CELSR1: variants seen among roughly 807,000 people sequenced by gnomAD.
CELSR1 encodes adhesion G protein-coupled receptor C1.
Under a neutral mutation model 249.1 loss-of-function variants are expected in CELSR1, and 110 were observed. The observed-to-expected ratio is 0.44, with a 90% confidence interval of 0.38 to 0.52. The LOEUF (loss-of-function observed/expected upper bound fraction) is 0.52, where lower values mean the gene tolerates loss of function less well. Among genes scored for constraint, CELSR1 ranks in the 20% least tolerant of loss-of-function variants. The pLI is 0.00. For missense variants in CELSR1, 4,109 were observed against 4,296.4 expected (o/e 0.96, Z 1.22); for synonymous variants, 2,113 against 1,900.0 (o/e 1.11, Z -2.92).
At chr22:46,439,823 C>A (rs965656899) in intron 2 of CELSR1, among the ~76,000 whole-genome samples, 7 of 152,166 alleles carry the variant, frequency 4.6e-5, no homozygotes, top group Non-Finnish European at 1.0e-4. Flanking sequence ...ATGCCCGTGC[C>A]ACAGCAGAAC....
At chr22:46,511,218 A>T (rs1440457780) in intron 1 of CELSR1, among the ~76,000 whole-genome samples, 1 of 149,670 alleles carries the variant, frequency 6.7e-6, no homozygotes, top group Non-Finnish European at 1.5e-5. Flanking sequence ...TAGAAGATGG[A>T]CACCAAAGGT....
chr22:46,517,534 G>A lies in CELSR1; in HGVS notation c.3544+16093C>T, dbSNP rs1343216656. Among the ~76,000 whole-genome samples, 2 of 152,154 alleles carry A rather than the reference G, an allele frequency of 1.3e-5. No homozygotes were observed. Among genetic ancestry groups the A allele is most frequent in the Non-Finnish European group, 2.9e-5 (2 of 68,030 alleles). ...GCGCCCCAGGCCGGCTCTTGTCTTG[G>A]TACCTCTGTCCACAGTAAGGTGCCC... On this transcript the variant is annotated intron_variant, in intron 1 of 34. Coordinates refer to ENST00000674500, the MANE Select transcript of CELSR1 (RefSeq NM_001378328.1). This position sits in a 1 kb window ranked among gnomAD's most constrained non-coding sequence, Gnocchi z 5.4.
chr22:46,399,642 G>C lies in CELSR1; in HGVS notation c.5412+75C>G, dbSNP rs370659886. 2 of 1,484,898 alleles carry C rather than the reference G, an allele frequency of 1.3e-6. No individual in the cohort carries two copies. The highest frequency in any genetic ancestry group is 4.5e-5 in the East Asian group (2 of 44,164). 92.0% of individuals were successfully genotyped at this position (1,484,898 alleles called of 1,614,324 possible). On this transcript the variant is annotated intron_variant, in intron 10 of 34. Coordinates refer to ENST00000674500, the MANE Select transcript of CELSR1 (RefSeq NM_001378328.1). This position sits in a 1 kb window ranked among gnomAD's most constrained non-coding sequence, Gnocchi z 5.0. ...CAAGGTCTCTGGTGGGTCCTGGCAC[G>C]TCAAGGGGTCATTCTGTTTTTCCCT...
intron 2 of CELSR1, among the ~76,000 whole-genome samples, chr22:46,459,064 A>AT (rs938817408): frequency 8.7e-5 from 13 of 150,028 alleles, no homozygotes; most frequent in African/African-American, 3.2e-4. Flanking sequence ...GGTTTTTTGT[A>AT]TTTTTAGTAG....
intron 1 of CELSR1, among the ~76,000 whole-genome samples, chr22:46,514,275 A>T (rs2080604144): frequency 6.6e-6 from 1 of 152,054 alleles, no homozygotes; most frequent in African/African-American, 2.4e-5. Context: ...AGTGTCAAAA[A>T]CCCAGTAAGC....
intron 2 of CELSR1, among the ~76,000 whole-genome samples, chr22:46,462,303 G>A (rs1234189864): frequency 6.6e-6 from 1 of 152,198 alleles, no homozygotes; most frequent in Non-Finnish European, 1.5e-5. Context: ...TGACCAGAGG[G>A]CCACCAACCT....
In CELSR1 at chr22:46,447,390, A is replaced by G. The variant is rs2079832574; in HGVS notation, c.4184-7979T>C. ...GGAATTCTCATTCAAAATAAATTTG[A>G]TGTTCTCCTTACACCCTAGGATTCT... is the stretch of plus-strand genomic sequence containing the variant. On this transcript the variant is annotated intron_variant, in intron 2 of 34. Coordinates refer to ENST00000674500, the MANE Select transcript of CELSR1 (RefSeq NM_001378328.1). This position sits in a 1 kb window ranked among gnomAD's most constrained non-coding sequence, Gnocchi z 4.7. Among the ~76,000 whole-genome samples, 1 of 152,130 alleles carries G rather than the reference A, an allele frequency of 6.6e-6. No individual in the cohort carries two copies. Among genetic ancestry groups the G allele is most frequent in the Admixed American group, 6.5e-5 (1 of 15,270 alleles).
At position 46,445,401 on chromosome 22, in the gene CELSR1, G is replaced by A. The variant is rs1215317427; in HGVS notation, c.4184-5990C>T. Among the ~76,000 whole-genome samples, 1 of 152,156 alleles carries A rather than the reference G, an allele frequency of 6.6e-6. No homozygotes were observed. The highest frequency in any genetic ancestry group is 1.5e-5 in the Non-Finnish European group (1 of 68,042). ...CCCAGCTACTAGGCAGGCTGAGGCA[G>A]GAGAATCTCTTGAATCCAGGAGGTA... On this transcript the variant is annotated intron_variant, in intron 2 of 34. Coordinates refer to ENST00000674500, the MANE Select transcript of CELSR1 (RefSeq NM_001378328.1). The surrounding 1 kb of genome is among the most constrained non-coding windows in gnomAD (Gnocchi z 4.4).
At chr22:46,444,352 C>T (rs1261961360) in intron 2 of CELSR1, among the ~76,000 whole-genome samples, 1 of 152,188 alleles carries the variant, frequency 6.6e-6, no homozygotes, top group African/African-American at 2.4e-5. Flanking sequence ...TTTCTAGTGG[C>T]CCCCGATATC....
chr22:46,465,426 G>A (rs762228559), intron 1 of CELSR1, among the ~76,000 whole-genome samples: 11 of 151,950 alleles, frequency 7.2e-5, no homozygotes, highest in Non-Finnish European at 1.3e-4. Flanking sequence ...AACTGCCCCA[G>A]TCAGGAGGAC....
At chr22:46,414,341 G>C (rs1341105161) in intron 5 of CELSR1, among the ~76,000 whole-genome samples, 1 of 152,250 alleles carries the variant, frequency 6.6e-6, no homozygotes, top group Non-Finnish European at 1.5e-5. Context: ...CAGGTGGAGA[G>C]CTGGAAGAAC....
chr22:46,502,053 C>T (rs975497430), intron 1 of CELSR1, among the ~76,000 whole-genome samples: 88 of 151,966 alleles, frequency 5.8e-4, no homozygotes, highest in African/African-American at 2.1e-3. Context: ...TCCCTTGAGC[C>T]CAGGATTTTG....
chr22:46,528,100 CAAAAA>C (rs552037712), intron 1 of CELSR1, among the ~76,000 whole-genome samples: 1 of 81,718 alleles, frequency 1.2e-5, no homozygotes, highest in Admixed American at 1.3e-4. Context: ...AAGACTGTCT[CAAAAA>C]AAAAAAAAAA....
chr22:46,531,367 G>A (rs1433590444), intron 1 of CELSR1, among the ~76,000 whole-genome samples: 2 of 152,018 alleles, frequency 1.3e-5, no homozygotes, highest in African/African-American at 4.8e-5. Context: ...CACCACACCA[G>A]GCTAATTTTT....
chr22:46,534,648 A>G lies in CELSR1; in HGVS notation c.2523T>C (p.Ser841=), dbSNP rs1345757196. ...GCTCCATCATGGTGTACATGGTGCC[A>G]CTGTCGGGGTCAATGCGGAACTGCG... ...PVPQFRIDPD[S]GTMYTMMELD... Residue 841 remains serine (S), a synonymous_variant, in exon 1 of 35, where the codon AGT becomes AGC. Coordinates refer to ENST00000674500, the MANE Select transcript of CELSR1 (RefSeq NM_001378328.1). This position sits in a 1 kb window ranked among gnomAD's most constrained non-coding sequence, Gnocchi z 9.7. 6.2e-7 allele frequency: 1 copy of G among 1,613,864 alleles called. No individual in the cohort carries two copies. Among genetic ancestry groups the G allele is most frequent in the Non-Finnish European group, 8.5e-7 (1 of 1,180,020 alleles).
chr22:46,528,012 G>A (rs1007142578), intron 1 of CELSR1, among the ~76,000 whole-genome samples: 1 of 151,206 alleles, frequency 6.6e-6, no homozygotes, highest in African/African-American at 2.4e-5. Context: ...GCTGAGGCAG[G>A]AGAATCACTT....
In CELSR1 at chr22:46,407,276, G is replaced by A. The variant is rs977526336; in HGVS notation, c.5226+1720C>T. 3.3e-5 allele frequency among the ~76,000 whole-genome samples: 5 copies of A among 152,182 alleles called. No homozygotes were observed. Among genetic ancestry groups the A allele is most frequent in the African/African-American group, 1.2e-4 (5 of 41,450 alleles). On this transcript the variant is annotated intron_variant, in intron 9 of 34. Transcript: ENST00000674500. The surrounding 1 kb of genome is among the most constrained non-coding windows in gnomAD (Gnocchi z 4.8). ...ACATGCACAAATGTGCACGCATGGA[G>A]AGATGCACATACACAGACTGACATG...
At position 46,399,701 on chromosome 22, in the gene CELSR1, G is replaced by A; in HGVS notation, c.5412+16C>T. 1 of 1,612,416 alleles carries A rather than the reference G, an allele frequency of 6.2e-7. No individual in the cohort carries two copies. Among genetic ancestry groups the A allele is most frequent in the Non-Finnish European group, 8.5e-7 (1 of 1,178,488 alleles). ...GGAAGGGTCTATCCCCAGAGGAGGT[G>A]CAGGTGCCAGCTCACCTGGTCCATC... On this transcript the variant is annotated intron_variant, in intron 10 of 34. Transcript: ENST00000674500. This position sits in a 1 kb window ranked among gnomAD's most constrained non-coding sequence, Gnocchi z 5.0.
rs2078975622 is a variant in CELSR1, at chr22:46,381,322, C to T, written c.7089-367G>A. On this transcript the variant is annotated intron_variant, in intron 21 of 34. Transcript: ENST00000674500. The surrounding 1 kb of genome is among the most constrained non-coding windows in gnomAD (Gnocchi z 6.0). ...TGGCAGCTCATGGGGATGAATCACC[C>T]AGTCACTGAGAACCACGTGAACACG... Among the ~76,000 whole-genome samples, 1 of 152,210 alleles carries T rather than the reference C, an allele frequency of 6.6e-6. No individual in the cohort carries two copies. Among genetic ancestry groups the T allele is most frequent in the Non-Finnish European group, 1.5e-5 (1 of 68,042 alleles).
Sources: gnomAD v4.1 joint callset for allele counts (sites outside exome capture counted in the v4.1 genomes callset) on GRCh38, gnomAD v4.1.1 for gene constraint, Gnocchi (gnomAD v3.1) non-coding constraint, MANE v1.5 for transcripts, NCBI Gene and HGNC (gene_info 2026-07-23, HGNC 2026-07-21) for gene names.